The following TBCK variants were observed in gnomAD, a reference collection of about 807,000 sequenced individuals.
The protein encoded by TBCK is TBC1 domain containing kinase.
Under a neutral mutation model 113.4 loss-of-function variants are expected in TBCK, and 99 were observed. That is an observed-to-expected ratio of 0.87 (90% CI 0.74 to 1.03). The LOEUF (loss-of-function observed/expected upper bound fraction) is 1.03, where lower values mean the gene tolerates loss of function less well. Ranked by LOEUF, TBCK falls within the 50% of genes least tolerant of loss-of-function variation. The pLI, the probability that TBCK is intolerant of heterozygous loss-of-function variation, is 0.00. For missense variants in TBCK, 1,045 were observed against 1,061.3 expected (o/e 0.98, Z 0.21); for synonymous variants, 369 against 370.8 (o/e 1.00, Z 0.05).
intron 22 of TBCK, among the ~76,000 whole-genome samples, chr4:106,189,377 G>A (rs1753407740): frequency 6.7e-6 from 1 of 149,584 alleles, no homozygotes; most frequent in South Asian, 2.1e-4. Flanking sequence ...AGACATGCAT[G>A]ACATGCATGA....
intron 24 of TBCK, among the ~76,000 whole-genome samples, chr4:106,107,273 T>C (rs896676664): frequency 2.6e-5 from 4 of 152,146 alleles, no homozygotes; most frequent in African/African-American, 9.7e-5. Flanking sequence ...AACTCAGCAT[T>C]GGACCAAATG....
chr4:106,117,949 C>A (rs550804818), intron 23 of TBCK, among the ~76,000 whole-genome samples: 3 of 150,146 alleles, frequency 2.0e-5, no homozygotes, highest in African/African-American at 7.4e-5. Flanking sequence ...GCGGAGCTTG[C>A]AGTGAGCCAA....
chr4:106,063,402 G>A (rs1736270885), intron 25 of TBCK, among the ~76,000 whole-genome samples: 1 of 151,926 alleles, frequency 6.6e-6, no homozygotes, highest in African/African-American at 2.4e-5. Flanking sequence ...AGTTCTAGAA[G>A]TATCATATTA....
intron 25 of TBCK, among the ~76,000 whole-genome samples, chr4:106,066,590 G>T (rs1320798529): frequency 1.3e-5 from 2 of 151,494 alleles, no homozygotes; most frequent in Non-Finnish European, 3.0e-5. Flanking sequence ...TTTTAAGTAC[G>T]CTTGCAATAC....
chr4:106,162,882 T>A (rs1312430534), intron 23 of TBCK, among the ~76,000 whole-genome samples: 1 of 152,184 alleles, frequency 6.6e-6, no homozygotes, highest in Non-Finnish European at 1.5e-5. Context: ...CTGGAGACAT[T>A]TTCCCCATTG....
intron 23 of TBCK, among the ~76,000 whole-genome samples, chr4:106,153,423 T>C (rs1202302632): frequency 2.0e-5 from 3 of 152,128 alleles, no homozygotes; most frequent in Non-Finnish European, 2.9e-5. Context: ...TGCTTGATAT[T>C]ATTTCGATTT....
chr4:106,246,391 C>T (rs901476637), intron 10 of TBCK, among the ~76,000 whole-genome samples: 2 of 152,124 alleles, frequency 1.3e-5, no homozygotes, highest in Non-Finnish European at 2.9e-5. Flanking sequence ...CTAAACCTTA[C>T]ATTCCAAGAG....
rs1760916294 is a variant in TBCK at position 106,247,190 on chromosome 4, GAGA to G, written c.877_879del (p.Ser293del). ...GGCAGAGTTAAATCAGCACATCTCA[GAGA>G]AGATGAAAACAGACTGGCAGGTTTG... On this transcript the variant is annotated inframe_deletion, in exon 10 of 26. Coordinates refer to ENST00000394708, the MANE Select transcript of TBCK (RefSeq NM_001163435.3). 6.2e-7 allele frequency: 1 copy of G among 1,613,484 alleles called. No homozygotes were observed. The highest frequency in any genetic ancestry group is 8.5e-7 in the Non-Finnish European group (1 of 1,179,676).
At chr4:106,170,020 T>C (rs1165345993) in intron 23 of TBCK, among the ~76,000 whole-genome samples, 2 of 152,070 alleles carry the variant, frequency 1.3e-5, no homozygotes, top group Non-Finnish European at 2.9e-5. Flanking sequence ...TTTGCTGGTG[T>C]GCCTGCCATT....
At chr4:106,281,846 G>T (rs979484242) in intron 3 of TBCK, among the ~76,000 whole-genome samples, 11 of 152,044 alleles carry the variant, frequency 7.2e-5, no homozygotes, top group East Asian at 3.9e-4. Context: ...GATTTTCAGG[G>T]ATATTGGCCT....
intron 12 of TBCK, chr4:106,238,575 G>T (rs1213678917): frequency 6.6e-6 from 1 of 152,070 alleles, no homozygotes; most frequent in African/African-American, 2.4e-5. Flanking sequence ...TGCTGGCTTA[G>T]ACAGAAAACA....
intron 25 of TBCK, among the ~76,000 whole-genome samples, chr4:106,056,268 A>ATTTT (rs371739787): frequency 7.3e-6 from 1 of 136,672 alleles, no homozygotes; most frequent in Non-Finnish European, 1.6e-5. Context: ...TTTTTAATTA[A>ATTTT]TTTTTTTTTT....
intron 25 of TBCK, among the ~76,000 whole-genome samples, chr4:106,073,487 G>A (rs539706979): frequency 4.6e-5 from 7 of 152,338 alleles, no homozygotes; most frequent in African/African-American, 1.4e-4. Flanking sequence ...TACTCTGGAA[G>A]CTTCGTATCA....
chr4:106,061,174 T>C (rs956208713), intron 25 of TBCK, among the ~76,000 whole-genome samples: 4 of 151,878 alleles, frequency 2.6e-5, no homozygotes, highest in African/African-American at 9.7e-5. Context: ...ATTGACTTGA[T>C]TTGGAAAGAA....
intron 5 of TBCK, among the ~76,000 whole-genome samples, chr4:106,256,897 T>C (rs1762054601): frequency 6.6e-6 from 1 of 152,208 alleles, no homozygotes; most frequent in African/African-American, 2.4e-5. Context: ...TTATATACTA[T>C]ATATTTCACA....
At chr4:106,195,491 T>TG (rs10689331) in intron 20 of TBCK, among the ~76,000 whole-genome samples, 140,286 of 150,888 alleles carry the variant, frequency 0.93, 65,464 homozygotes, top group African/African-American at 0.97. Context: ...AATGTGTGTG[T>TG]TTGTGTGTGT....
chr4:106,294,399 G>A (rs1012492380), intron 3 of TBCK, among the ~76,000 whole-genome samples: 4 of 151,924 alleles, frequency 2.6e-5, no homozygotes, highest in Admixed American at 6.5e-5. Context: ...AGGGTGAGGC[G>A]GGTGGATCAC....
chr4:106,122,374 C>A (rs1196612173), intron 23 of TBCK, among the ~76,000 whole-genome samples: 1 of 152,094 alleles, frequency 6.6e-6, no homozygotes, highest in Non-Finnish European at 1.5e-5. Flanking sequence ...GAAATTGTGG[C>A]AATAATCAAT....
chr4:106,206,816 G>C (rs1755555160), intron 20 of TBCK, among the ~76,000 whole-genome samples: 1 of 152,120 alleles, frequency 6.6e-6, no homozygotes, highest in Non-Finnish European at 1.5e-5. Context: ...AGTAGTATAA[G>C]CATCCTTTCA....
Sources: allele counts gnomAD v4.1 joint callset (sites outside exome capture counted in the v4.1 genomes callset), GRCh38; gene constraint gnomAD v4.1.1; transcripts MANE v1.5; gene names NCBI Gene and HGNC (gene_info 2026-07-23, HGNC 2026-07-21).